Variants in ATP8B1 observed in about 807,000 individuals in gnomAD.
ATP8B1 encodes the protein ATPase phospholipid transporting 8B1.
Under a neutral mutation model 149.9 loss-of-function variants are expected in ATP8B1, and 80 were observed. The ratio of observed to expected loss-of-function variants is 0.53; its 90% confidence interval spans 0.45 to 0.64. ATP8B1 has a LOEUF of 0.64. ATP8B1 is among the 30% of genes least tolerant of loss of function. The probability of loss-of-function intolerance (pLI) is 0.00; values close to 1 mark genes in which losing one functional copy is unlikely to be tolerated. For missense variants in ATP8B1, 1,247 were observed against 1,552.6 expected (o/e 0.80, Z 3.31); for synonymous variants, 536 against 562.8 (o/e 0.95, Z 0.67).
intron 2 of ATP8B1, among the ~76,000 whole-genome samples, chr18:57,726,009 C>T (rs941642996): frequency 7.9e-5 from 12 of 152,198 alleles, no homozygotes; most frequent in African/African-American, 2.7e-4. Flanking sequence ...GTGGGTGGAT[C>T]ACAAGGTCAA....
At chr18:57,745,254 G>A (rs566346897) in intron 1 of ATP8B1, among the ~76,000 whole-genome samples, 1 of 152,040 alleles carries the variant, frequency 6.6e-6, no homozygotes, top group East Asian at 1.9e-4. Flanking sequence ...ATACTTCAAT[G>A]AAAGGACTCT....
chr18:57,767,100 C>G (rs7237980), intron 1 of ATP8B1, among the ~76,000 whole-genome samples: 53,208 of 151,912 alleles, frequency 0.35, 9,324 homozygotes, highest in Admixed American at 0.37. Context: ...TCAAAAAGGA[C>G]GTTGGAATCC....
intron 2 of ATP8B1, among the ~76,000 whole-genome samples, chr18:57,722,410 G>C: frequency 7.1e-6 from 1 of 141,486 alleles, no homozygotes; most frequent in Non-Finnish European, 1.5e-5. Context: ...AAATGATAAA[G>C]GGGATATCAC....
intron 24 of ATP8B1, among the ~76,000 whole-genome samples, chr18:57,653,680 CTCT>C (rs1444921653): frequency 6.5e-5 from 7 of 108,266 alleles, no homozygotes; most frequent in African/African-American, 2.2e-4. Flanking sequence ...ATCCTCTTTT[CTCT>C]TTTTTTTTTT....
At chr18:57,758,629 C>T (rs1245286723) in intron 1 of ATP8B1, among the ~76,000 whole-genome samples, 1 of 90,256 alleles carries the variant, frequency 1.1e-5, no homozygotes, top group East Asian at 3.2e-4. Context: ...GCCTGGGCAA[C>T]AAGAGCAAAA....
intron 13 of ATP8B1, among the ~76,000 whole-genome samples, chr18:57,686,934 C>T (rs534321644): frequency 6.6e-6 from 1 of 152,158 alleles, no homozygotes; most frequent in Non-Finnish European, 1.5e-5. Context: ...GCCTTCAACT[C>T]CCAGGCTTAA....
chr18:57,772,047 T>A (rs183292821), intron 1 of ATP8B1, among the ~76,000 whole-genome samples: 2 of 152,298 alleles, frequency 1.3e-5, no homozygotes, highest in Admixed American at 6.5e-5. Flanking sequence ...AAAGTTATCC[T>A]AAAAACAAAA....
At chr18:57,775,592 C>T (rs116208167) in intron 1 of ATP8B1, among the ~76,000 whole-genome samples, 2,926 of 150,212 alleles carry the variant, frequency 0.019, 86 homozygotes, top group African/African-American at 0.067. Flanking sequence ...CTACCTAGAG[C>T]AAGAGATTCT....
intron 22 of ATP8B1, 34 bp from the exon 23 acceptor site, chr18:57,655,451 T>G: frequency 1.3e-6 from 2 of 1,590,826 alleles, no homozygotes; most frequent in Non-Finnish European, 1.7e-6. Context: ...CTGTGGATCA[T>G]AAACCGATTG....
chr18:57,719,370 T>C (rs1197193051), intron 2 of ATP8B1, among the ~76,000 whole-genome samples: 3 of 152,040 alleles, frequency 2.0e-5, no homozygotes, highest in Admixed American at 2.0e-4. Flanking sequence ...CACTAGGGAG[T>C]GCCAGACAGT....
chr18:57,761,997 G>A (rs967877160), intron 1 of ATP8B1, among the ~76,000 whole-genome samples: 17 of 149,192 alleles, frequency 1.1e-4, no homozygotes, highest in Non-Finnish European at 1.8e-4. Flanking sequence ...TTAGGTTTAC[G>A]GAAAAATGGA....
intron 15 of ATP8B1, among the ~76,000 whole-genome samples, chr18:57,681,343 C>T (rs1322265120): frequency 6.6e-6 from 1 of 152,142 alleles, no homozygotes; most frequent in African/African-American, 2.4e-5. Flanking sequence ...TGGAAAAAGA[C>T]ACTGAGCTCC....
chr18:57,738,212 G>A (rs1360363089), intron 1 of ATP8B1, among the ~76,000 whole-genome samples: 1 of 152,224 alleles, frequency 6.6e-6, no homozygotes. Flanking sequence ...AGACAGGTGT[G>A]CATTTACTCA....
chr18:57,689,910 G>A (rs1398432625), intron 12 of ATP8B1, among the ~76,000 whole-genome samples: 1 of 152,216 alleles, frequency 6.6e-6, no homozygotes, highest in African/African-American at 2.4e-5. Flanking sequence ...CAGCCACTAA[G>A]GAGGCTGAGG....
rs551065102 is a variant in ATP8B1, at chr18:57,699,816, G to A, written c.554+1223C>T. Among the ~76,000 whole-genome samples, 783 of 152,296 alleles carry A rather than the reference G, an allele frequency of 5.1e-3. 5 individuals are homozygous for A. Among genetic ancestry groups the A allele is most frequent in the Middle Eastern group, 6.8e-3 (2 of 294 alleles). ...GATCCTCCTGCCTCGGCCTCCCAAAGTGCTGAGATTACAGGCGTGAGCCAC... is the reference window on the plus strand; with the variant it reads ...GATCCTCCTGCCTCGGCCTCCCAAAATGCTGAGATTACAGGCGTGAGCCAC... On this transcript the variant is annotated intron_variant, in intron 6 of 27. Transcript: ENST00000648908.
intron 11 of ATP8B1, among the ~76,000 whole-genome samples, chr18:57,693,459 G>A (rs1183705101): frequency 2.6e-5 from 4 of 152,146 alleles, no homozygotes; most frequent in Non-Finnish European, 4.4e-5. Context: ...TGTAATCCAA[G>A]CACTTTGGGA....
At chr18:57,729,549 CTTTTTTT>C (rs71171074) in intron 2 of ATP8B1, among the ~76,000 whole-genome samples, 7 of 120,696 alleles carry the variant, frequency 5.8e-5, no homozygotes, top group Non-Finnish European at 1.0e-4. Context: ...TTCTTTCTTT[CTTTTTTT>C]TTTTTTTTTT....
intron 15 of ATP8B1, among the ~76,000 whole-genome samples, chr18:57,680,909 G>A (rs1911932941): frequency 6.6e-6 from 1 of 152,142 alleles, no homozygotes; most frequent in East Asian, 1.9e-4. Context: ...TCCACATTCT[G>A]CTCTCACATG....
At chr18:57,793,352 C>T (rs1055291151) in intron 1 of ATP8B1, among the ~76,000 whole-genome samples, 4 of 152,122 alleles carry the variant, frequency 2.6e-5, no homozygotes, top group Middle Eastern at 3.2e-3. Context: ...CTCAGCCCCA[C>T]AGCTACCATC....
Sources: allele counts gnomAD v4.1 joint callset (sites outside exome capture counted in the v4.1 genomes callset), GRCh38; gene constraint gnomAD v4.1.1; transcripts MANE v1.5; gene names NCBI Gene and HGNC (gene_info 2026-07-23, HGNC 2026-07-21).